The following SYK variants were observed in gnomAD, a reference collection of about 807,000 sequenced individuals.
SYK encodes the protein tyrosine-protein kinase SYK.
SYK carries 16 observed loss-of-function variants against 77.8 expected under a neutral mutation model. The ratio of observed to expected loss-of-function variants is 0.21; its 90% CI spans 0.14 to 0.31. The LOEUF (loss-of-function observed/expected upper bound fraction) is 0.31, where lower values mean the gene tolerates loss of function less well. SYK is among the 10% of genes least tolerant of loss of function. The pLI is 1.00. For synonymous variants in SYK, 312 were observed against 308.7 expected (o/e 1.01, Z -0.11); for missense variants, 529 against 814.4 (o/e 0.65, Z 4.26).
chr9:90,878,675 T>C, intron 10 of SYK, 89 bp from the exon 11 acceptor site: 1 of 1,106,534 alleles, frequency 9.0e-7, no homozygotes, highest in Non-Finnish European at 1.3e-6. Context: ...AAGGAGTAGA[T>C]TCACCCACTG....
chr9:90,820,404 G>C (rs893540922), intron 1 of SYK, among the ~76,000 whole-genome samples: 8 of 152,194 alleles, frequency 5.3e-5, no homozygotes, highest in African/African-American at 1.9e-4. Context: ...GGTCATCCAG[G>C]CATTTTCATA....
At chr9:90,811,159 A>G (rs928550678) in intron 1 of SYK, among the ~76,000 whole-genome samples, 3 of 152,232 alleles carry the variant, frequency 2.0e-5, no homozygotes, top group Non-Finnish European at 4.4e-5. Context: ...ATTGATAAGC[A>G]TGATTTCCTA....
chr9:90,839,517 T>C (rs1826215041), intron 1 of SYK, among the ~76,000 whole-genome samples: 1 of 152,252 alleles, frequency 6.6e-6, no homozygotes, highest in East Asian at 1.9e-4. Flanking sequence ...CCACAGCCTG[T>C]CTCACTTCCT....
intron 2 of SYK, among the ~76,000 whole-genome samples, chr9:90,845,038 C>T (rs1226502543): frequency 6.6e-6 from 1 of 152,222 alleles, no homozygotes; most frequent in Non-Finnish European, 1.5e-5. Context: ...AAGGTTCAAG[C>T]GATTCTACTG....
At chr9:90,892,015 C>T (rs1828810856) in intron 13 of SYK, among the ~76,000 whole-genome samples, 1 of 152,186 alleles carries the variant, frequency 6.6e-6, no homozygotes, top group African/African-American at 2.4e-5. Context: ...GACTCTTCAG[C>T]TGGACCTAGA....
chr9:90,860,101 G>A (rs1827198744), intron 3 of SYK, among the ~76,000 whole-genome samples: 1 of 152,184 alleles, frequency 6.6e-6, no homozygotes, highest in Non-Finnish European at 1.5e-5. Flanking sequence ...TAATCCTCCT[G>A]CCTTGGCCTC....
At chr9:90,877,887 C>T in intron 10 of SYK, 107 bp downstream of exon 10, 1 of 1,115,214 alleles carries the variant, frequency 9.0e-7, no homozygotes, top group Middle Eastern at 3.0e-4. Context: ...TCCCACCCTC[C>T]TGTGCCTTCC....
intron 3 of SYK, among the ~76,000 whole-genome samples, chr9:90,853,780 G>C (rs187735133): frequency 0.014 from 2,199 of 152,096 alleles, 18 homozygotes; most frequent in Admixed American, 0.031. Flanking sequence ...TAAATGACAA[G>C]TTAATGGGTG....
At chr9:90,820,073 A>G (rs1190323581) in intron 1 of SYK, among the ~76,000 whole-genome samples, 1 of 152,244 alleles carries the variant, frequency 6.6e-6, no homozygotes. Context: ...CAGGTCACAC[A>G]GCCAGGTCCC....
intron 13 of SYK, among the ~76,000 whole-genome samples, chr9:90,893,843 G>A (rs947692703): frequency 6.6e-6 from 1 of 152,132 alleles, no homozygotes; most frequent in Non-Finnish European, 1.5e-5. Context: ...AGGGTCACTG[G>A]GTACAAGGAG....
chr9:90,846,075 G>T (rs1826581275), intron 3 of SYK, among the ~76,000 whole-genome samples: 1 of 152,182 alleles, frequency 6.6e-6, no homozygotes, highest in East Asian at 1.9e-4. Flanking sequence ...CAGGTTTGAA[G>T]ACTTCAGCCT....
chr9:90,894,537 C>T (rs1001995965), intron 13 of SYK, among the ~76,000 whole-genome samples: 5 of 152,310 alleles, frequency 3.3e-5, no homozygotes, highest in East Asian at 1.9e-4. Flanking sequence ...GGTCCTGATG[C>T]GCGTTCTATG....
At chr9:90,861,254 G>C (rs142685299) in intron 3 of SYK, among the ~76,000 whole-genome samples, 1 of 152,246 alleles carries the variant, frequency 6.6e-6, no homozygotes, top group Non-Finnish European at 1.5e-5. Context: ...CACTGCAGTG[G>C]GGGTGTTGTT....
chr9:90,844,846 C>G (rs989285191), intron 2 of SYK, among the ~76,000 whole-genome samples: 1 of 152,224 alleles, frequency 6.6e-6, no homozygotes, highest in African/African-American at 2.4e-5. Flanking sequence ...TGCTCTAGAC[C>G]TATCGTATAC....
intron 5 of SYK, 89 bp from the exon 6 acceptor site, chr9:90,864,959 C>A: frequency 7.6e-7 from 1 of 1,321,192 alleles, no homozygotes; most frequent in Non-Finnish European, 1.1e-6. Context: ...AGCAGCACAT[C>A]CTGATCTCAT....
chr9:90,813,133 G>A (rs1825156764), intron 1 of SYK, among the ~76,000 whole-genome samples: 1 of 152,084 alleles, frequency 6.6e-6, no homozygotes, highest in South Asian at 2.1e-4. Flanking sequence ...CATGCTTCAT[G>A]AGAAATGTTT....
chr9:90,828,143 A>G (rs1461066109), intron 1 of SYK, among the ~76,000 whole-genome samples: 1 of 151,592 alleles, frequency 6.6e-6, no homozygotes, highest in Non-Finnish European at 1.5e-5. Flanking sequence ...TAGAGCCTGA[A>G]AGCGGGAAAC....
intron 5 of SYK, 140 bp downstream of exon 5, chr9:90,864,807 C>T: frequency 1.4e-5 from 11 of 765,080 alleles, no homozygotes; most frequent in South Asian, 1.0e-4. Context: ...CAGAGCACTC[C>T]GATTTTGTAT....
In SYK at chr9:90,867,699, A is replaced by T. The variant is rs148963796; in HGVS notation, c.915+500A>T. Among the ~76,000 whole-genome samples, 26 of 152,290 alleles carry T rather than the reference A, an allele frequency of 1.7e-4. No individual in the cohort carries two copies. In the East Asian group the frequency reaches 4.6e-3, roughly 27 times the overall value. On this transcript the variant is annotated intron_variant, in intron 7 of 13. Transcript: ENST00000375754. ...CTTAGACGTCTAACATAGAACTGCA[A>T]ATGTGACATGTAAAGAAGAGGTGTA...
Sources: gnomAD v4.1 joint callset for allele counts (sites outside exome capture counted in the v4.1 genomes callset) on GRCh38, gnomAD v4.1.1 for gene constraint, MANE v1.5 for transcripts, NCBI Gene and HGNC (gene_info 2026-07-23, HGNC 2026-07-21) for gene names.